Variants in PDE12 observed in about 807,000 individuals in gnomAD.
PDE12 encodes the protein phosphodiesterase 12, also known as 2',5'-phosphodiesterase 12.
Under a neutral mutation model 45.4 loss-of-function variants are expected in PDE12, and 26 were observed. The ratio of observed to expected loss-of-function variants is 0.57; its 90% CI spans 0.42 to 0.79. The LOEUF is 0.79. PDE12 is among the 30% of genes least tolerant of loss of function. PDE12 has a pLI of 0.00. For synonymous variants in PDE12, 283 were observed against 323.9 expected (o/e 0.87, Z 1.36); for missense variants, 668 against 790.0 (o/e 0.85, Z 1.85).
the PDE12 span, among the ~76,000 whole-genome samples, chr3:57,605,280 G>C: frequency 6.6e-6 from 1 of 152,134 alleles, no homozygotes; most frequent in African/African-American, 2.4e-5. Flanking sequence ...CAGAAAGAGA[G>C]AGAGCTGCAG....
At chr3:57,651,695 A>C in the PDE12 span, among the ~76,000 whole-genome samples, 1 of 152,202 alleles carries the variant, frequency 6.6e-6, no homozygotes, top group Non-Finnish European at 1.5e-5. Context: ...TTACCAAAAA[A>C]AAAAAAGATA....
chr3:57,561,288 G>A lies in PDE12; in HGVS notation c.*1284G>A, dbSNP rs2069725350. 1.5e-5 allele frequency: 15 copies of A among 985,324 alleles called. No homozygotes were observed. The highest frequency in any genetic ancestry group is 1.8e-5 in the Non-Finnish European group (15 of 829,582). The allele number at this position is 985,324 out of a possible 1,614,324, so 61.0% of individuals were successfully genotyped here. A position where few individuals can be genotyped will look rare whatever the true frequency, so the allele number is the denominator to read the frequency against. The stretch of plus-strand genomic sequence containing the variant: ...ATCATTGAGCATTTCTACACTAGAA[G>A]TAATTTCAAAATTGTTGGTTTTTAT... On this transcript the variant is annotated 3_prime_UTR_variant, in exon 3 of 3. Transcript: ENST00000311180.
At chr3:57,625,201 G>T in the PDE12 span, among the ~76,000 whole-genome samples, 1 of 152,196 alleles carries the variant, frequency 6.6e-6, no homozygotes, top group African/African-American at 2.4e-5. Context: ...CACCACATAC[G>T]ACCAATATTT....
chr3:57,647,842 G>A, the PDE12 span, among the ~76,000 whole-genome samples: 1 of 149,312 alleles, frequency 6.7e-6, no homozygotes, highest in Admixed American at 6.7e-5. Context: ...GAGACAGGAG[G>A]GTATCCATGG....
the PDE12 span, among the ~76,000 whole-genome samples, chr3:57,635,933 A>G: frequency 6.6e-6 from 1 of 152,184 alleles, no homozygotes; most frequent in Non-Finnish European, 1.5e-5. Flanking sequence ...GAAGACTTTT[A>G]TGATGATCCA....
At chr3:57,587,147 C>T in the PDE12 span, among the ~76,000 whole-genome samples, 2 of 151,658 alleles carry the variant, frequency 1.3e-5, no homozygotes, top group East Asian at 1.9e-4. Flanking sequence ...GGTAAAATCC[C>T]GTCTCTACTA....
In PDE12 at chr3:57,561,198, T is replaced by C. The variant is rs561763084; in HGVS notation, c.*1194T>C. 1.5e-4 allele frequency: 148 copies of C among 984,080 alleles called. No homozygotes were observed. The highest frequency in any genetic ancestry group is 1.2e-4 in the Admixed American group (2 of 16,244). The allele number at this position is 984,080 out of a possible 1,614,324, so 61.0% of individuals were successfully genotyped here. ...AACAGGGTATTTGACCATATGATAT[T>C]AGAAAATACAGCACATTACTTTATG... On this transcript the variant is annotated 3_prime_UTR_variant, in exon 3 of 3. Transcript: ENST00000311180.
the PDE12 span, among the ~76,000 whole-genome samples, chr3:57,644,372 C>A: frequency 6.6e-6 from 1 of 152,054 alleles, no homozygotes; most frequent in African/African-American, 2.4e-5. Flanking sequence ...GTGGCACGAT[C>A]TGAGTTCACT....
the PDE12 span, among the ~76,000 whole-genome samples, chr3:57,624,409 C>G: frequency 6.6e-6 from 1 of 152,090 alleles, no homozygotes; most frequent in Non-Finnish European, 1.5e-5. Context: ...CTCAGCCTCC[C>G]AAAGTGCTGG....
the PDE12 span, chr3:57,628,002 A>T: frequency 1.9e-6 from 1 of 528,444 alleles, no homozygotes; most frequent in Non-Finnish European, 3.1e-6. Context: ...TCGGTGTTTC[A>T]GTATTAAAGT....
the PDE12 span, chr3:57,626,172 T>C: frequency 6.6e-6 from 1 of 152,546 alleles, no homozygotes; most frequent in Non-Finnish European, 1.5e-5. Context: ...CTCTATGACT[T>C]TGAGGTATGC....
At chr3:57,638,002 C>T in the PDE12 span, among the ~76,000 whole-genome samples, 53 of 151,340 alleles carry the variant, frequency 3.5e-4, no homozygotes, top group Non-Finnish European at 7.1e-4. Flanking sequence ...AGTGTGGTGG[C>T]GCACACCTGT....
At position 57,561,627 on chromosome 3, in the gene PDE12, C is replaced by G; in HGVS notation, c.*1623C>G. ...TCAGGATAACTATGTTATCTCATTT[C>G]TGCATTTAATTAATAGCTCGAGTAT... On this transcript the variant is annotated 3_prime_UTR_variant, in exon 3 of 3. Transcript: ENST00000311180. The G allele has an allele frequency of 1.0e-6, 1 of 985,174 alleles. No homozygotes were observed. Among genetic ancestry groups the G allele is most frequent in the Non-Finnish European group, 1.2e-6 (1 of 829,788 alleles). The allele number at this position is 985,174 out of a possible 1,614,324, so 61.0% of individuals were successfully genotyped here.
At chr3:57,599,679 G>A in the PDE12 span, among the ~76,000 whole-genome samples, 24,619 of 152,056 alleles carry the variant, frequency 0.16, 2,664 homozygotes, top group East Asian at 0.48. Flanking sequence ...CACATCAAGT[G>A]GCTAATGTAA....
At chr3:57,616,056 C>T in the PDE12 span, among the ~76,000 whole-genome samples, 44 of 152,142 alleles carry the variant, frequency 2.9e-4, no homozygotes, top group Non-Finnish European at 5.0e-4. Context: ...AGGCGTGCTG[C>T]TCATGCCTGT....
chr3:57,572,407 A>C, the PDE12 span: 91 of 774,328 alleles, frequency 1.2e-4, no homozygotes, highest in Middle Eastern at 3.5e-4. Context: ...CTTGCATCTC[A>C]CAAAACTCTC....
chr3:57,610,594 GACAA>G, the PDE12 span, among the ~76,000 whole-genome samples: 31 of 152,150 alleles, frequency 2.0e-4, no homozygotes, highest in African/African-American at 6.7e-4. Flanking sequence ...ACCAATAACA[GACAA>G]ACAGAGAGCC....
chr3:57,587,742 C>A, the PDE12 span, among the ~76,000 whole-genome samples: 3 of 152,006 alleles, frequency 2.0e-5, no homozygotes, highest in Non-Finnish European at 4.4e-5. Context: ...TTCTAGGTCA[C>A]CCCAGAATTC....
At chr3:57,621,075 GCTA>G in the PDE12 span, among the ~76,000 whole-genome samples, 3 of 152,096 alleles carry the variant, frequency 2.0e-5, no homozygotes, top group African/African-American at 7.2e-5. Flanking sequence ...CAACAATAAA[GCTA>G]CAGTAATCAA....
Sources: gnomAD v4.1 joint callset for allele counts (sites outside exome capture counted in the v4.1 genomes callset) on GRCh38, gnomAD v4.1.1 for gene constraint, MANE v1.5 for transcripts, NCBI Gene and HGNC (gene_info 2026-07-23, HGNC 2026-07-21) for gene names.